ANO1: variants seen among roughly 807,000 people sequenced by gnomAD.
ANO1 encodes the protein anoctamin-1.
Under a neutral mutation model 124.0 loss-of-function variants are expected in ANO1, and 59 were observed. The ratio of observed to expected loss-of-function variants is 0.48; its 90% CI spans 0.39 to 0.59. The LOEUF (loss-of-function observed/expected upper bound fraction) is 0.59, where lower values mean the gene tolerates loss of function less well. Among genes scored for constraint, ANO1 ranks in the 20% least tolerant of loss-of-function variants. ANO1 has a pLI of 0.00. For missense variants in ANO1, 1,059 were observed against 1,328.0 expected (o/e 0.80, Z 3.15); for synonymous variants, 529 against 532.0 (o/e 0.99, Z 0.08).
chr11:70,080,286 TG>T (rs2044163847), intron 1 of ANO1, among the ~76,000 whole-genome samples: 1 of 152,184 alleles, frequency 6.6e-6, no homozygotes, highest in Admixed American at 6.5e-5. Context: ...ACCCATCAGC[TG>T]GGAGGACAGT....
chr11:70,152,511 G>A lies in ANO1; in HGVS notation c.1353+50G>A, dbSNP rs1403718714. 4 of 1,591,338 alleles carry A rather than the reference G, an allele frequency of 2.5e-6. No homozygotes were observed. The East Asian group carries it at 8.9e-5, about 36-fold the overall frequency. ...TATCTTCCCACAGCCTATCTCCCTG[G>A]GAGAGGGACCTTCTCTTGCACCTAA... On this transcript the variant is annotated intron_variant, in intron 13 of 25. Transcript: ENST00000355303.
intron 12 of ANO1, among the ~76,000 whole-genome samples, chr11:70,150,584 C>T (rs966164764): frequency 2.6e-5 from 4 of 152,170 alleles, no homozygotes; most frequent in South Asian, 2.1e-4. Flanking sequence ...ACCTAAGCTG[C>T]GGTGCAATGG....
chr11:70,088,476 G>A (rs1440614276), intron 2 of ANO1, among the ~76,000 whole-genome samples: 7 of 142,990 alleles, frequency 4.9e-5, no homozygotes, highest in Non-Finnish European at 7.5e-5. Context: ...GCCACTGCAC[G>A]CCAGCCTGGC....
At chr11:70,095,370 G>GAA (rs1488904748) in intron 2 of ANO1, among the ~76,000 whole-genome samples, 25 of 30,268 alleles carry the variant, frequency 8.3e-4, no homozygotes, top group East Asian at 1.7e-3. Context: ...AAGAAAGAAA[G>GAA]AAAGAAAGAA....
At chr11:69,976,337 G>A in the ANO1 span, among the ~76,000 whole-genome samples, 10 of 151,678 alleles carry the variant, frequency 6.6e-5, no homozygotes, top group East Asian at 1.9e-4. Flanking sequence ...GTGAAACCCC[G>A]TCTACTAAAA....
intron 1 of ANO1, among the ~76,000 whole-genome samples, chr11:70,039,276 A>G (rs1211254618): frequency 1.3e-5 from 2 of 152,194 alleles, no homozygotes; most frequent in Non-Finnish European, 2.9e-5. Context: ...AAGAAAAAGC[A>G]ACTAATGATT....
At chr11:70,068,735 C>G (rs1857795289) in intron 1 of ANO1, among the ~76,000 whole-genome samples, 1 of 152,188 alleles carries the variant, frequency 6.6e-6, no homozygotes, top group African/African-American at 2.4e-5. Context: ...GCCCCCTACT[C>G]TTTCCCTAGC....
intron 2 of ANO1, among the ~76,000 whole-genome samples, chr11:70,101,847 C>T (rs973439468): frequency 9.9e-5 from 15 of 152,076 alleles, no homozygotes; most frequent in African/African-American, 3.4e-4. Flanking sequence ...GGAAAGGAGA[C>T]GTGGATGGGA....
At chr11:70,071,674 A>G (rs1555009306) in intron 1 of ANO1, among the ~76,000 whole-genome samples, 1 of 152,114 alleles carries the variant, frequency 6.6e-6, no homozygotes, top group African/African-American at 2.4e-5. Flanking sequence ...CCCAGGCTGA[A>G]GTGCATTGGT....
At chr11:70,118,124 A>G (rs146318410) in intron 8 of ANO1, among the ~76,000 whole-genome samples, 76 of 150,286 alleles carry the variant, frequency 5.1e-4, no homozygotes, top group African/African-American at 1.8e-3. Flanking sequence ...TGCTTCTTCC[A>G]TGGACACCAG....
chr11:70,005,733 G>A (rs1354404342), intron 1 of ANO1, among the ~76,000 whole-genome samples: 1 of 152,174 alleles, frequency 6.6e-6, no homozygotes, highest in Non-Finnish European at 1.5e-5. Flanking sequence ...AAAAATTCCT[G>A]GGACTGACCG....
intron 11 of ANO1, among the ~76,000 whole-genome samples, chr11:70,143,802 G>A (rs766991959): frequency 9.5e-4 from 144 of 152,254 alleles, no homozygotes; most frequent in Non-Finnish European, 1.2e-3. Context: ...GGGAATCTAC[G>A]CTCATCATTC....
intron 1 of ANO1, among the ~76,000 whole-genome samples, chr11:70,005,800 C>A (rs879955673): frequency 6.6e-6 from 1 of 152,152 alleles, no homozygotes. Flanking sequence ...AAAGCTGTGG[C>A]TTTTGACTCC....
At chr11:69,997,552 C>T (rs1554998590) in intron 1 of ANO1, among the ~76,000 whole-genome samples, 3 of 152,164 alleles carry the variant, frequency 2.0e-5, no homozygotes, top group Non-Finnish European at 2.9e-5. Flanking sequence ...GTCCCAACGG[C>T]AGCCACAGGG....
At chr11:70,125,996 T>C in intron 9 of ANO1, 65 bp from the exon 10 acceptor site, 1 of 1,522,174 alleles carries the variant, frequency 6.6e-7, no homozygotes, top group South Asian at 1.3e-5. Flanking sequence ...GGAGGGCCTG[T>C]GACATGTTTC....
At chr11:70,107,892 G>A (rs1281216055) in intron 5 of ANO1, among the ~76,000 whole-genome samples, 3 of 152,174 alleles carry the variant, frequency 2.0e-5, no homozygotes, top group Non-Finnish European at 2.9e-5. Context: ...CCCAAGGCCC[G>A]CCCCACCACC....
At chr11:70,106,076 C>T (rs781778315) in intron 5 of ANO1, among the ~76,000 whole-genome samples, 41 of 152,278 alleles carry the variant, frequency 2.7e-4, no homozygotes, top group Admixed American at 9.2e-4. Flanking sequence ...ATCTGTGCAG[C>T]TCCCAGCACA....
intron 4 of ANO1, among the ~76,000 whole-genome samples, chr11:70,104,454 C>T (rs551945435): frequency 1.3e-4 from 20 of 152,280 alleles, no homozygotes; most frequent in Admixed American, 2.0e-4. Context: ...ACCCCTGCCC[C>T]GCCACCCCAT....
chr11:69,992,690 T>C (rs1474733065), intron 1 of ANO1, among the ~76,000 whole-genome samples: 2 of 152,176 alleles, frequency 1.3e-5, no homozygotes, highest in Admixed American at 6.5e-5. Context: ...TATGTCTCTG[T>C]GATTGCCTTG....
Sources: gnomAD v4.1 joint callset for allele counts (sites outside exome capture counted in the v4.1 genomes callset) on GRCh38, gnomAD v4.1.1 for gene constraint, MANE v1.5 for transcripts, NCBI Gene and HGNC (gene_info 2026-07-23, HGNC 2026-07-21) for gene names.